The following EPO variants were observed in gnomAD, a reference collection of about 807,000 sequenced individuals.
EPO encodes the protein erythropoietin, also known as epoetin.
A neutral mutation model predicts 24.4 loss-of-function variants in EPO; 12 were observed. The ratio of observed to expected loss-of-function variants is 0.49; its 90% CI spans 0.32 to 0.80. EPO has a LOEUF of 0.80. Among genes scored for constraint, EPO ranks in the 30% least tolerant of loss-of-function variants. The pLI, the probability that EPO is intolerant of heterozygous loss-of-function variation, is 0.04. For missense variants in EPO, 210 were observed against 238.0 expected, an observed-to-expected ratio of 0.88 and a Z score of 0.77; for synonymous variants, 107 against 104.0, an observed-to-expected ratio of 1.03 and a Z score of -0.18.
Position 100,721,910 on chromosome 7 carries a change from C to G in EPO, c.160-52C>G. ...CCAGCAGATCCTACGGCCTGTGGGC[C>G]AGGGCCAGAGCCTTCAGGGACCCTT... is the stretch of plus-strand genomic sequence containing the variant. On this transcript the variant is annotated intron_variant, in intron 2 of 4. Transcript: ENST00000252723. The surrounding 1 kb of genome is among the most constrained non-coding windows in gnomAD (Gnocchi z 4.0). The G allele has an allele frequency of 6.4e-7, 1 of 1,573,572 alleles. No homozygotes were observed.
Position 100,721,686 on chromosome 7 carries a change from G to A in EPO, c.142G>A (p.Glu48Lys), listed in dbSNP as rs1442806373. 1.2e-6 allele frequency: 2 copies of A among 1,610,924 alleles called. No individual in the cohort carries two copies. Among genetic ancestry groups the A allele is most frequent in the African/African-American group, 1.3e-5 (1 of 74,928 alleles). ...VLERYLLEAKEAENITTGCAE... is the reference protein window; with the variant it reads ...VLERYLLEAKKAENITTGCAE... The stretch of plus-strand genomic sequence containing the variant: ...GGAGAGGTACCTCTTGGAGGCCAAG[G>A]AGGCCGAGAATATCACGGTGAGACC... The change falls in exon 2 of 5, where the codon GAG (glutamate) becomes AAG (lysine). Residue 48 changes from glutamate to lysine, a missense_variant. By Grantham distance (56) the Glu-to-Lys change is moderately conservative. Coordinates refer to ENST00000252723, the MANE Select transcript of EPO (RefSeq NM_000799.4). The surrounding 1 kb of genome is among the most constrained non-coding windows in gnomAD (Gnocchi z 4.0).
chr7:100,722,260 A>G (rs1300530788), intron 3 of EPO, among the ~76,000 whole-genome samples: 1 of 151,976 alleles, frequency 6.6e-6, no homozygotes, highest in East Asian at 1.9e-4. Flanking sequence ...CAACCTAGGC[A>G]GCATAGTGAG....
Position 100,721,031 on chromosome 7 carries a change from G to T in EPO, c.13+38G>T. The T allele has an allele frequency of 6.5e-7, 1 of 1,545,166 alleles. No homozygotes were observed. The highest frequency in any genetic ancestry group is 8.7e-7 in the Non-Finnish European group (1 of 1,147,442). ...GGGCTGGGCGCTCCCGCCCGCCCGG[G>T]TCCCTGTTTGAGCGGGGATTTAGCG... On this transcript the variant is annotated intron_variant, in intron 1 of 4. Transcript: ENST00000252723. The surrounding 1 kb of genome is among the most constrained non-coding windows in gnomAD (Gnocchi z 4.0).
Position 100,723,171 on chromosome 7 carries a change from C to A in EPO, c.*38C>A. Reference sequence around the variant, plus strand: ...ACCTGGGCATATCCACCACCTCCCTCACCAACATTGCTTGTGCCACACCCT... The same window carrying A: ...ACCTGGGCATATCCACCACCTCCCTAACCAACATTGCTTGTGCCACACCCT... On this transcript the variant is annotated 3_prime_UTR_variant, in exon 5 of 5. Coordinates refer to ENST00000252723, the MANE Select transcript of EPO (RefSeq NM_000799.4). 6.3e-7 allele frequency: 1 copy of A among 1,591,116 alleles called. No homozygotes were observed. Among genetic ancestry groups the A allele is most frequent in the Non-Finnish European group, 8.6e-7 (1 of 1,167,722 alleles).
In EPO at chr7:100,722,031, G is replaced by A; in HGVS notation, c.229G>A (p.Ala77Thr). Residue 77 changes from alanine to threonine, a missense_variant, in exon 3 of 5, where the codon GCC (alanine) becomes ACC (threonine). Ala to Thr is a moderately conservative substitution (Grantham distance 58, BLOSUM62 0). Transcript: ENST00000252723. ...CCCAGACACCAAAGTTAATTTCTAT[G>A]CCTGGAAGAGGATGGAGGTGAGTTC... ...TVPDTKVNFY[A>T]WKRMEVGQQA... is the part of the protein sequence containing the mutation. The A allele has an allele frequency of 1.9e-6, 3 of 1,608,912 alleles. No homozygotes were observed. The highest frequency in any genetic ancestry group is 1.7e-4 in the Middle Eastern group (1 of 6,034).
In EPO at chr7:100,723,034, T is replaced by C. The variant is rs763338387; in HGVS notation, c.483T>C (p.Thr161=). 1.2e-5 allele frequency: 19 copies of C among 1,614,138 alleles called. 1 individual carries two copies. Among genetic ancestry groups the C allele is most frequent in the Middle Eastern group, 1.6e-4 (1 of 6,062 alleles). Residue 161 remains threonine (T), a synonymous_variant, in exon 5 of 5, where the codon ACT becomes ACC. Coordinates refer to ENST00000252723, the MANE Select transcript of EPO (RefSeq NM_000799.4). ...AASAAPLRTI[T]ADTFRKLFRV... ...CAGCTGCTCCACTCCGAACAATCAC[T>C]GCTGACACTTTCCGCAAACTCTTCC...
chr7:100,721,443 T>A lies in EPO; in HGVS notation c.14-115T>A. 2 of 1,385,650 alleles carry A rather than the reference T, an allele frequency of 1.4e-6. No individual in the cohort carries two copies. Among genetic ancestry groups the A allele is most frequent in the Non-Finnish European group, 2.0e-6 (2 of 1,022,732 alleles). The allele number at this position is 1,385,650 out of a possible 1,614,324, so 85.8% of individuals were successfully genotyped here. On this transcript the variant is annotated intron_variant, in intron 1 of 4. Coordinates refer to ENST00000252723, the MANE Select transcript of EPO (RefSeq NM_000799.4). This position sits in a 1 kb window ranked among gnomAD's most constrained non-coding sequence, Gnocchi z 4.0. Reference sequence around the variant, plus strand: ...GGGAGGCAGCACCTGAGTGCTTGCATGGTTGGGGACAGGAAGGACGAGCTG... The same window carrying A: ...GGGAGGCAGCACCTGAGTGCTTGCAAGGTTGGGGACAGGAAGGACGAGCTG...
chr7:100,720,968 G>T lies in EPO; in HGVS notation c.-13G>T. On this transcript the variant is annotated 5_prime_UTR_variant, in exon 1 of 5. Coordinates refer to ENST00000252723, the MANE Select transcript of EPO (RefSeq NM_000799.4). ...CGCCCCAGGTCGCTGAGGGACCCCG[G>T]CCAGGCGCGGAGATGGGGGTGCACG... 1 of 1,569,560 alleles carries T rather than the reference G, an allele frequency of 6.4e-7. No individual in the cohort carries two copies. The highest frequency in any genetic ancestry group is 2.0e-4 in the Middle Eastern group (1 of 5,050).
chr7:100,722,904 A>C, intron 4 of EPO, 61 bp downstream of exon 4: 1 of 1,607,010 alleles, frequency 6.2e-7, no homozygotes, highest in Non-Finnish European at 8.5e-7. Flanking sequence ...GGGTCTTGCT[A>C]AGGAGTACAG....
Position 100,723,445 on chromosome 7 carries a change from G to A in EPO, c.*312G>A, listed in dbSNP as rs1806784061. 4.0e-6 allele frequency: 1 copy of A among 251,090 alleles called. No homozygotes were observed. The highest frequency in any genetic ancestry group is 2.2e-5 in the African/African-American group (1 of 44,670). The allele number at this position is 251,090 out of a possible 1,614,324, so 15.6% of individuals were successfully genotyped here. A position where few individuals can be genotyped will look rare whatever the true frequency, so the allele number is the denominator to read the frequency against. On this transcript the variant is annotated 3_prime_UTR_variant, in exon 5 of 5. Coordinates refer to ENST00000252723, the MANE Select transcript of EPO (RefSeq NM_000799.4). Reference sequence around the variant, plus strand: ...GCTCACTCGGCACCCTGCAAAATTTGATGCCAGGACACGCTTTGGAGGCGA... The same window carrying A: ...GCTCACTCGGCACCCTGCAAAATTTAATGCCAGGACACGCTTTGGAGGCGA...
At position 100,723,294 on chromosome 7, in the gene EPO, G is replaced by C; in HGVS notation, c.*161G>C. On this transcript the variant is annotated 3_prime_UTR_variant, in exon 5 of 5. Coordinates refer to ENST00000252723, the MANE Select transcript of EPO (RefSeq NM_000799.4). ...CAGCAATGACATCTCAGGGGCCAGA[G>C]GAACTGTCCAGAGAGCAACTCTGAG... The C allele has an allele frequency of 6.1e-6, 5 of 819,138 alleles. No homozygotes were observed. Among genetic ancestry groups the C allele is most frequent in the Non-Finnish European group, 9.4e-6 (5 of 532,610 alleles). 50.7% of individuals were successfully genotyped at this position (819,138 alleles called of 1,614,324 possible).
In EPO at chr7:100,721,029, G is replaced by A. The variant is rs1021946906; in HGVS notation, c.13+36G>A. On this transcript the variant is annotated intron_variant, in intron 1 of 4. Transcript: ENST00000252723. This position sits in a 1 kb window ranked among gnomAD's most constrained non-coding sequence, Gnocchi z 4.0. ...GCGGGCTGGGCGCTCCCGCCCGCCC[G>A]GGTCCCTGTTTGAGCGGGGATTTAG... 54 of 1,554,370 alleles carry A rather than the reference G, an allele frequency of 3.5e-5. No homozygotes were observed. Among genetic ancestry groups the A allele is most frequent in the Non-Finnish European group, 4.4e-5 (51 of 1,151,810 alleles).
At position 100,720,904 on chromosome 7, in the gene EPO, G is replaced by A; in HGVS notation, c.-77G>A. On this transcript the variant is annotated 5_prime_UTR_variant, in exon 1 of 5. Transcript: ENST00000252723. ...CGTGGGGCTGGCCCTGCACCGCCGA[G>A]CTTCCCGGGATGAGGGCCCCCGGTG... 3 of 1,493,082 alleles carry A rather than the reference G, an allele frequency of 2.0e-6. No individual in the cohort carries two copies. Among genetic ancestry groups the A allele is most frequent in the East Asian group, 5.4e-5 (2 of 37,272 alleles). The allele number at this position is 1,493,082 out of a possible 1,614,324, so 92.5% of individuals were successfully genotyped here.
At position 100,721,860 on chromosome 7, in the gene EPO, C is replaced by A; in HGVS notation, c.160-102C>A. On this transcript the variant is annotated intron_variant, in intron 2 of 4. Transcript: ENST00000252723. This position sits in a 1 kb window ranked among gnomAD's most constrained non-coding sequence, Gnocchi z 4.0. The stretch of plus-strand genomic sequence containing the variant: ...ATAAGTCTGGTGGCCCCAAACCATA[C>A]CTGGAAACTAGGCAAGGAGCAAAGC... The A allele has an allele frequency of 6.6e-7, 1 of 1,520,090 alleles. No homozygotes were observed. The highest frequency in any genetic ancestry group is 8.9e-7 in the Non-Finnish European group (1 of 1,126,192). 94.2% of individuals were successfully genotyped at this position (1,520,090 alleles called of 1,614,324 possible).
chr7:100,723,298 C>A lies in EPO; in HGVS notation c.*165C>A. 2.5e-6 allele frequency: 2 copies of A among 790,438 alleles called. No individual in the cohort carries two copies. The highest frequency in any genetic ancestry group is 3.9e-6 in the Non-Finnish European group (2 of 507,788). 49.0% of individuals were successfully genotyped at this position (790,438 alleles called of 1,614,324 possible). A position where few individuals can be genotyped will look rare whatever the true frequency, so the allele number is the denominator to read the frequency against. On this transcript the variant is annotated 3_prime_UTR_variant, in exon 5 of 5. Transcript: ENST00000252723. ...AATGACATCTCAGGGGCCAGAGGAA[C>A]TGTCCAGAGAGCAACTCTGAGATCT...
chr7:100,722,175 G>T (rs541635467), intron 3 of EPO, 127 bp downstream of exon 3: 5 of 859,938 alleles, frequency 5.8e-6, no homozygotes, highest in Admixed American at 5.7e-5. Context: ...CTGCCTGGGC[G>T]CAGAGGCTCA....
In EPO at chr7:100,723,694, C is replaced by A. The variant is rs1385774784; in HGVS notation, c.*561C>A. On this transcript the variant is annotated 3_prime_UTR_variant, in exon 5 of 5. Transcript: ENST00000252723. ...TCAACCTCATTGACAAGAACTGAAA[C>A]CACCAATATGACTCTTGGCTTTTCT... The A allele has an allele frequency of 6.6e-6, 1 of 152,518 alleles. No individual in the cohort carries two copies. Among genetic ancestry groups the A allele is most frequent in the African/African-American group, 2.4e-5 (1 of 41,450 alleles). 9.4% of individuals were successfully genotyped at this position (152,518 alleles called of 1,614,324 possible).
In EPO at chr7:100,721,635, C is replaced by T. The variant is rs750589543; in HGVS notation, c.91C>T (p.Arg31Cys). The T allele has an allele frequency of 9.3e-6, 15 of 1,613,732 alleles. No homozygotes were observed. The highest frequency in any genetic ancestry group is 2.7e-5 in the African/African-American group (2 of 74,938). The change falls in exon 2 of 5, where the codon CGC becomes TGC. Residue 31 changes from arginine (R) to cysteine (C), a missense_variant. Coordinates refer to ENST00000252723, the MANE Select transcript of EPO (RefSeq NM_000799.4). The surrounding 1 kb of genome is among the most constrained non-coding windows in gnomAD (Gnocchi z 4.0). ...LGLPVLGAPP[R>C]LICDSRVLER... ...CCTCCCAGTCCTGGGCGCCCCACCA[C>T]GCCTCATCTGTGACAGCCGAGTCCT... is the stretch of plus-strand genomic sequence containing the variant.
Position 100,720,851 on chromosome 7 carries a change from C to G in EPO, c.-130C>G. 1 of 1,175,482 alleles carries G rather than the reference C, an allele frequency of 8.5e-7. No homozygotes were observed. Among genetic ancestry groups the G allele is most frequent in the Non-Finnish European group, 1.1e-6 (1 of 903,390 alleles). 72.8% of individuals were successfully genotyped at this position (1,175,482 alleles called of 1,614,324 possible). On this transcript the variant is annotated 5_prime_UTR_variant, in exon 1 of 5. Transcript: ENST00000252723. ...CCCGCTCTGCTCCGACACCGCGCCC[C>G]CTGGACAGCCGCCCTCTCCTCCAGG...
Sources: gnomAD v4.1 joint callset for allele counts (sites outside exome capture counted in the v4.1 genomes callset) on GRCh38, gnomAD v4.1.1 for gene constraint, Gnocchi (gnomAD v3.1) non-coding constraint, MANE v1.5 for transcripts, NCBI Gene and HGNC (gene_info 2026-07-23, HGNC 2026-07-21) for gene names.